SCARA3: variants seen among roughly 807,000 people sequenced by gnomAD.
SCARA3 encodes cellular stress response gene protein.
SCARA3 carries 39 observed loss-of-function variants against 47.0 expected under a neutral mutation model. The observed-to-expected ratio is 0.83, with a 90% CI of 0.64 to 1.08. SCARA3 has a LOEUF of 1.08. SCARA3 is among the 50% of genes least tolerant of loss of function. The probability of loss-of-function intolerance (pLI) is 0.00; values close to 1 mark genes in which losing one functional copy is unlikely to be tolerated. For synonymous variants in SCARA3, 356 were observed against 334.1 expected (o/e 1.07, Z -0.71); for missense variants, 724 against 792.3 (o/e 0.91, Z 1.04).
rs1802195924 is a variant in SCARA3 at position 27,672,695 on chromosome 8, G to A, written c.*1344G>A. The A allele has an allele frequency of 2.0e-6, 2 of 985,692 alleles. No individual in the cohort carries two copies. The allele number at this position is 985,692 out of a possible 1,614,324, so 61.1% of individuals were successfully genotyped here. A position where few individuals can be genotyped will look rare whatever the true frequency, so the allele number is the denominator to read the frequency against. ...ACCCACCAACTTCCTGCACACACTG[G>A]CAGAGAGGGGCGCTGGGAAATCACC... On this transcript the variant is annotated 3_prime_UTR_variant, in exon 6 of 6. Transcript: ENST00000301904.
At chr8:27,667,611 T>C (rs980669485) in intron 5 of SCARA3, among the ~76,000 whole-genome samples, 1 of 152,198 alleles carries the variant, frequency 6.6e-6, no homozygotes, top group African/African-American at 2.4e-5. Flanking sequence ...ACCTGCATTG[T>C]CATCTGTAAA....
chr8:27,649,958 C>T (rs1801597070), intron 2 of SCARA3, among the ~76,000 whole-genome samples, 158 bp downstream of exon 2: 2 of 152,132 alleles, frequency 1.3e-5, no homozygotes. Context: ...GAGTTCACGG[C>T]CCTGGGCGTG....
chr8:27,693,457 G>A, the SCARA3 span, among the ~76,000 whole-genome samples: 1 of 152,160 alleles, frequency 6.6e-6, no homozygotes, highest in Non-Finnish European at 1.5e-5. Flanking sequence ...TTTCTTAACT[G>A]ACTCTTTCTG....
At chr8:27,659,848 T>TAAAA (rs1164812144) in intron 5 of SCARA3, among the ~76,000 whole-genome samples, 104 of 40,344 alleles carry the variant, frequency 2.6e-3, no homozygotes, top group Admixed American at 3.1e-3. Flanking sequence ...AGTCCTTATC[T>TAAAA]AAAAAAAAAA....
intron 4 of SCARA3, among the ~76,000 whole-genome samples, chr8:27,658,011 G>A (rs1042624995): frequency 1.3e-5 from 2 of 152,134 alleles, no homozygotes; most frequent in African/African-American, 4.8e-5. Context: ...ATGATAGAAG[G>A]GTTTAGAGTG....
chr8:27,705,671 C>T, the SCARA3 span, among the ~76,000 whole-genome samples: 1 of 152,200 alleles, frequency 6.6e-6, no homozygotes, highest in Non-Finnish European at 1.5e-5. Flanking sequence ...TGCCACGCAC[C>T]GTGCATACAA....
rs200315725 is a variant in SCARA3, at chr8:27,646,963, ACCGCCCCCG to A, written c.8-2736_8-2728del. Among the ~76,000 whole-genome samples the A allele has an allele frequency of 1.1e-4, 3 of 26,630 alleles. 1 individual carries two copies. Among genetic ancestry groups the A allele is most frequent in the Non-Finnish European group, 2.1e-4 (3 of 14,138 alleles). The allele number at this position is 26,630 out of a possible 152,430, so 17.5% of individuals were successfully genotyped here. A position where few individuals can be genotyped will look rare whatever the true frequency, so the allele number is the denominator to read the frequency against. On this transcript the variant is annotated intron_variant, in intron 1 of 5. Coordinates refer to ENST00000301904, the MANE Select transcript of SCARA3 (RefSeq NM_016240.3). ...TCCAAAGCACTTGCCCGCACCCCTG[ACCGCCCCCG>A]CCCCCCCCCCGCACACACACACTAT...
At position 27,671,079 on chromosome 8, in the gene SCARA3, G is replaced by A; in HGVS notation, c.1549G>A (p.Gly517Arg). Residue 517 changes from glycine to arginine, a missense_variant, in exon 6 of 6, where the codon GGG becomes AGG. Transcript: ENST00000301904. ...VGERGPVGPR[G>R]FPGLKGSKGS... The stretch of plus-strand genomic sequence containing the variant: ...AGAAAGGGGCCCTGTTGGCCCTCGA[G>A]GGTTCCCAGGCCTCAAAGGCTCAAA... The A allele has an allele frequency of 1.9e-6, 3 of 1,610,552 alleles. No individual in the cohort carries two copies. Among genetic ancestry groups the A allele is most frequent in the Non-Finnish European group, 1.7e-6 (2 of 1,178,594 alleles).
rs1290392006 is a variant in SCARA3 at position 27,633,982 on chromosome 8, C to A, written c.-219C>A. 4.1e-6 allele frequency: 1 copy of A among 242,710 alleles called. No homozygotes were observed. Among genetic ancestry groups the A allele is most frequent in the Admixed American group, 5.7e-5 (1 of 17,590 alleles). 15.0% of individuals were successfully genotyped at this position (242,710 alleles called of 1,614,324 possible). A position where few individuals can be genotyped will look rare whatever the true frequency, so the allele number is the denominator to read the frequency against. ...GCGGCGGGGCGCGGCGCTAGGCGCC[C>A]GGCGGGGCTTCCCCAGGCTGCGACC... On this transcript the variant is annotated 5_prime_UTR_variant, in exon 1 of 6. Coordinates refer to ENST00000301904, the MANE Select transcript of SCARA3 (RefSeq NM_016240.3).
At chr8:27,652,845 C>T (rs1045977699) in intron 3 of SCARA3, among the ~76,000 whole-genome samples, 3 of 152,198 alleles carry the variant, frequency 2.0e-5, no homozygotes, top group Non-Finnish European at 2.9e-5. Context: ...GTACCCCCTC[C>T]ACTCACTCCA....
chr8:27,705,096 C>A, the SCARA3 span, among the ~76,000 whole-genome samples: 3 of 152,336 alleles, frequency 2.0e-5, no homozygotes, highest in Non-Finnish European at 4.4e-5. Flanking sequence ...TGCTGCCTCC[C>A]TCACACTTTC....
At chr8:27,648,693 C>G (rs1308561566) in intron 1 of SCARA3, among the ~76,000 whole-genome samples, 1 of 151,860 alleles carries the variant, frequency 6.6e-6, no homozygotes, top group Non-Finnish European at 1.5e-5. Flanking sequence ...AAAATGTAGA[C>G]ATTAAATAAA....
chr8:27,676,762 A>G, downstream of SCARA3: 2 of 512,366 alleles, frequency 3.9e-6, no homozygotes, highest in East Asian at 3.3e-5. Context: ...AAATTTACCT[A>G]TATTAGGAAG....
At chr8:27,730,488 AT>A in the SCARA3 span, among the ~76,000 whole-genome samples, 1,254 of 137,162 alleles carry the variant, frequency 9.1e-3, 25 homozygotes, top group African/African-American at 0.032. Flanking sequence ...TCTGCCTTTG[AT>A]TTTTTTTTTT....
rs1239470731 is a variant in SCARA3 at position 27,658,977 on chromosome 8, C to G, written c.807C>G (p.Ser269=). The change falls in exon 5 of 6, where the codon TCC becomes TCG. Residue 269 remains serine, a synonymous_variant. Transcript: ENST00000301904. ...TRLFSGLRTT[S]TKTGEAVKNI... ...TCTTCAGCGGCCTGCGCACCACCTCCACCAAGACTGGAGAGGCGGTCAAGA... is the reference window on the plus strand; with the variant it reads ...TCTTCAGCGGCCTGCGCACCACCTCGACCAAGACTGGAGAGGCGGTCAAGA... 1 of 1,614,052 alleles carries G rather than the reference C, an allele frequency of 6.2e-7. No individual in the cohort carries two copies. The highest frequency in any genetic ancestry group is 1.3e-5 in the African/African-American group (1 of 74,920).
At chr8:27,732,805 T>C in the SCARA3 span, among the ~76,000 whole-genome samples, 1 of 152,244 alleles carries the variant, frequency 6.6e-6, no homozygotes, top group African/African-American at 2.4e-5. Context: ...AATTCAAATA[T>C]GCTTTTACAG....
chr8:27,656,947 G>A (rs1046215212), intron 4 of SCARA3, 67 bp downstream of exon 4: 31 of 1,000,076 alleles, frequency 3.1e-5, no homozygotes, highest in South Asian at 5.1e-5. Flanking sequence ...CCCTCCCCAC[G>A]CTACAGTGCC....
At chr8:27,713,825 A>G in the SCARA3 span, among the ~76,000 whole-genome samples, 2 of 152,194 alleles carry the variant, frequency 1.3e-5, no homozygotes, top group Non-Finnish European at 2.9e-5. Context: ...GATGTGACAG[A>G]GTTTGGATAT....
chr8:27,690,983 A>G, the SCARA3 span, among the ~76,000 whole-genome samples: 1 of 152,086 alleles, frequency 6.6e-6, no homozygotes, highest in African/African-American at 2.4e-5. Flanking sequence ...ACGCCAGGCC[A>G]TATGCATAGA....
Sources: gnomAD v4.1 joint callset for allele counts (sites outside exome capture counted in the v4.1 genomes callset) on GRCh38, gnomAD v4.1.1 for gene constraint, MANE v1.5 for transcripts, NCBI Gene and HGNC (gene_info 2026-07-23, HGNC 2026-07-21) for gene names.